SGCZ: variants seen among roughly 807,000 people sequenced by gnomAD.
The protein encoded by SGCZ is zeta-sarcoglycan.
A neutral mutation model predicts 41.3 loss-of-function variants in SGCZ; 40 were observed. That is an observed-to-expected ratio of 0.97 (90% CI 0.75 to 1.26). SGCZ has a LOEUF of 1.26. Ranked by LOEUF, SGCZ falls within the 50% of genes most tolerant of loss-of-function variation. SGCZ has a pLI of 0.00. For missense variants in SGCZ, 552 were observed against 369.8 expected, an observed-to-expected ratio of 1.49 and a Z score of -4.04; for synonymous variants, 206 against 137.5, an observed-to-expected ratio of 1.50 and a Z score of -3.49.
chr8:14,704,323 C>A (rs1809260633), intron 1 of SGCZ, among the ~76,000 whole-genome samples: 1 of 151,930 alleles, frequency 6.6e-6, no homozygotes, highest in African/African-American at 2.4e-5. Context: ...TCTGGAAAAA[C>A]CAAATCAATG....
chr8:15,189,074 T>A (rs564778822), intron 1 of SGCZ, among the ~76,000 whole-genome samples: 1 of 152,212 alleles, frequency 6.6e-6, no homozygotes, highest in South Asian at 2.1e-4. Flanking sequence ...CCACAAATAT[T>A]TGTGTTTTTT....
In SGCZ at chr8:14,108,176, ATG is replaced by A; in HGVS notation, c.605_606del (p.Pro202LeufsTer7). On this transcript the variant is annotated frameshift_variant, in exon 6 of 8. Transcript: ENST00000382080. LOFTEE classifies it high-confidence loss of function. ...GGAAGCCCTTACCTGAGATCTTGGGATGGCTCTGCTCTGATGTGCGGCGTCTC... is the reference window on the plus strand; with the variant it reads ...GGAAGCCCTTACCTGAGATCTTGGGAGCTCTGCTCTGATGTGCGGCGTCTC... ...SVETPHIRAE[P>X]SQDLRLESPT... 6.2e-7 allele frequency: 1 copy of A among 1,614,066 alleles called. No individual in the cohort carries two copies. The highest frequency in any genetic ancestry group is 1.3e-5 in the African/African-American group (1 of 75,014).
chr8:14,210,787 A>T lies in SGCZ; in HGVS notation c.424+26805T>A, dbSNP rs1020094048. ...CAGCCCAATTATTTCTAATTTATTTAAAAAAATATTTATTTGTGGTCACTA... is the reference window on the plus strand; with the variant it reads ...CAGCCCAATTATTTCTAATTTATTTTAAAAAATATTTATTTGTGGTCACTA... On this transcript the variant is annotated intron_variant, in intron 4 of 7. Coordinates refer to ENST00000382080, the MANE Select transcript of SGCZ (RefSeq NM_139167.4). Among the ~76,000 whole-genome samples the T allele has an allele frequency of 3.3e-5, 5 of 152,134 alleles. No individual in the cohort carries two copies. The East Asian group carries it at 7.7e-4, about 24-fold the overall frequency.
At chr8:14,381,662 C>T (rs560787224) in intron 2 of SGCZ, among the ~76,000 whole-genome samples, 212 of 151,760 alleles carry the variant, frequency 1.4e-3, no homozygotes, top group Non-Finnish European at 2.6e-3. Flanking sequence ...ACCTGTAGTC[C>T]CAGCTACTTG....
At chr8:14,206,012 C>T (rs950961376) in intron 4 of SGCZ, among the ~76,000 whole-genome samples, 3 of 152,126 alleles carry the variant, frequency 2.0e-5, no homozygotes, top group South Asian at 4.1e-4. Context: ...TATTTAAACT[C>T]GGTTCTCTGC....
At chr8:14,559,080 T>C (rs999373742) in intron 1 of SGCZ, among the ~76,000 whole-genome samples, 1 of 152,072 alleles carries the variant, frequency 6.6e-6, no homozygotes, top group Non-Finnish European at 1.5e-5. Context: ...AAGATAAGGA[T>C]GTCCCCTCTC....
intron 1 of SGCZ, among the ~76,000 whole-genome samples, chr8:14,757,180 C>A (rs1300183654): frequency 6.6e-6 from 1 of 152,174 alleles, no homozygotes; most frequent in African/African-American, 2.4e-5. Flanking sequence ...TCCCTAGTAG[C>A]TGGGATTACA....
At position 14,898,123 on chromosome 8, in the gene SGCZ, A is replaced by C. The variant is rs563203324; in HGVS notation, c.39+339462T>G. 6.6e-5 allele frequency among the ~76,000 whole-genome samples: 10 copies of C among 152,176 alleles called. No individual in the cohort carries two copies. The East Asian group carries it at 1.9e-3, about 29-fold the overall frequency. On this transcript the variant is annotated intron_variant, in intron 1 of 7. Transcript: ENST00000382080. The stretch of plus-strand genomic sequence containing the variant: ...TAAACTTAAAAAAAAAAAAGAATCA[A>C]CATTTTTTGCAGAGACAGGTCTCAT...
At chr8:14,692,137 C>T (rs1415371327) in intron 1 of SGCZ, among the ~76,000 whole-genome samples, 2 of 151,842 alleles carry the variant, frequency 1.3e-5, no homozygotes, top group Admixed American at 6.6e-5. Context: ...ATCCCGGTTG[C>T]ATCTGACCAT....
At chr8:14,569,519 C>G (rs1804484883) in intron 1 of SGCZ, among the ~76,000 whole-genome samples, 1 of 152,130 alleles carries the variant, frequency 6.6e-6, no homozygotes, top group Non-Finnish European at 1.5e-5. Context: ...CATTTTCACT[C>G]AGGAAGCACT....
At chr8:14,621,744 G>T (rs1455077067) in intron 1 of SGCZ, among the ~76,000 whole-genome samples, 2 of 151,972 alleles carry the variant, frequency 1.3e-5, no homozygotes, top group African/African-American at 4.8e-5. Context: ...ACAGCATGGG[G>T]GAAACCCACT....
rs546803611 is a variant in SGCZ at position 14,832,262 on chromosome 8, T to A, written c.40-277336A>T. 4.6e-5 allele frequency among the ~76,000 whole-genome samples: 7 copies of A among 152,306 alleles called. No individual in the cohort carries two copies. The South Asian group carries it at 1.5e-3, about 32-fold the overall frequency. ...GATATGATATATGGATAACTATCAA[T>A]AAAGCTATTATGTGGTTGACCATGA... On this transcript the variant is annotated intron_variant, in intron 1 of 7. Transcript: ENST00000382080.
chr8:14,582,029 C>G (rs1196365252), intron 1 of SGCZ, among the ~76,000 whole-genome samples: 1 of 152,114 alleles, frequency 6.6e-6, no homozygotes, highest in Non-Finnish European at 1.5e-5. Context: ...TCTTCTCCCT[C>G]CTCCTCAGCC....
intron 1 of SGCZ, among the ~76,000 whole-genome samples, chr8:14,792,376 T>C (rs905672160): frequency 6.6e-6 from 1 of 152,080 alleles, no homozygotes; most frequent in Non-Finnish European, 1.5e-5. Flanking sequence ...AAGTCCCCTT[T>C]TGTAGAAAAG....
chr8:14,514,281 A>G (rs1457046318), intron 2 of SGCZ, among the ~76,000 whole-genome samples: 1 of 152,054 alleles, frequency 6.6e-6, no homozygotes, highest in Non-Finnish European at 1.5e-5. Context: ...GGAGAGGTAA[A>G]TTGGTGCAGT....
chr8:14,891,677 C>G (rs1268453793), intron 1 of SGCZ, among the ~76,000 whole-genome samples: 1 of 152,152 alleles, frequency 6.6e-6, no homozygotes, highest in African/African-American at 2.4e-5. Flanking sequence ...AAAAGAAGTT[C>G]TACTGTGAGC....
In SGCZ at chr8:15,220,054, T is replaced by C. The variant is rs1458942181; in HGVS notation, c.39+17531A>G. Among the ~76,000 whole-genome samples the C allele has an allele frequency of 2.0e-5, 3 of 152,148 alleles. No homozygotes were observed. The East Asian group carries it at 5.8e-4, about 29-fold the overall frequency. On this transcript the variant is annotated intron_variant, in intron 1 of 7. Coordinates refer to ENST00000382080, the MANE Select transcript of SGCZ (RefSeq NM_139167.4). ...AATGCTTGGATCTATAATATACATA[T>C]AACTAACAGATATGGATCTTAAAAT...
chr8:14,309,860 C>CT (rs1585346811), intron 3 of SGCZ, among the ~76,000 whole-genome samples: 2 of 149,226 alleles, frequency 1.3e-5, no homozygotes, highest in Admixed American at 6.7e-5. Context: ...TTTTTTTTTT[C>CT]TTTTTTTGGC....
chr8:15,174,985 A>G (rs187482456), intron 1 of SGCZ, among the ~76,000 whole-genome samples: 2 of 152,226 alleles, frequency 1.3e-5, no homozygotes, highest in Admixed American at 1.3e-4. Context: ...ATTAGGACAA[A>G]CACCTAATGC....
Sources: allele counts gnomAD v4.1 joint callset (sites outside exome capture counted in the v4.1 genomes callset), GRCh38; gene constraint gnomAD v4.1.1; transcripts MANE v1.5; gene names NCBI Gene and HGNC (gene_info 2026-07-23, HGNC 2026-07-21).